The following TEAD1 variants were observed in gnomAD, a reference collection of about 807,000 sequenced individuals.
TEAD1 encodes transcriptional enhancer factor TEF-1.
Under a neutral mutation model 54.9 loss-of-function variants are expected in TEAD1, and 9 were observed. The observed-to-expected ratio is 0.16, with a 90% confidence interval of 0.10 to 0.29. The LOEUF (loss-of-function observed/expected upper bound fraction) is 0.29. TEAD1 is among the 10% of genes least tolerant of loss of function. The pLI, the probability that TEAD1 is intolerant of heterozygous loss-of-function variation, is 1.00. For synonymous variants in TEAD1, 200 were observed against 187.8 expected, an observed-to-expected ratio of 1.07 and a Z score of -0.53; for missense variants, 387 against 535.9, an observed-to-expected ratio of 0.72 and a Z score of 2.74.
intron 2 of TEAD1, among the ~76,000 whole-genome samples, chr11:12,745,692 A>G (rs1322661183): frequency 1.3e-5 from 2 of 151,692 alleles, no homozygotes; most frequent in Non-Finnish European, 2.9e-5. Context: ...ATATAAATCA[A>G]TAACTGCAAA....
At chr11:12,720,713 G>A (rs1944177199) in intron 2 of TEAD1, among the ~76,000 whole-genome samples, 1 of 152,208 alleles carries the variant, frequency 6.6e-6, no homozygotes, top group Admixed American at 6.5e-5. Context: ...TCTGTAAGTG[G>A]TCTGAGTTTA....
intron 3 of TEAD1, among the ~76,000 whole-genome samples, chr11:12,834,621 T>C (rs1173387740): frequency 2.0e-5 from 3 of 152,142 alleles, no homozygotes; most frequent in South Asian, 2.1e-4. Flanking sequence ...TTTTTGTTTG[T>C]TTGTTTGTGT....
chr11:12,840,283 C>CAT (rs1947005750), intron 3 of TEAD1, among the ~76,000 whole-genome samples: 1 of 129,098 alleles, frequency 7.7e-6, no homozygotes, highest in African/African-American at 2.9e-5. Flanking sequence ...AGACCAGAAA[C>CAT]GAAATCGGGC....
intron 10 of TEAD1, among the ~76,000 whole-genome samples, chr11:12,920,114 CTG>C (rs1948777439): frequency 6.6e-6 from 1 of 152,110 alleles, no homozygotes; most frequent in African/African-American, 2.4e-5. Context: ...TTTTAAATAA[CTG>C]AAGTAGAGTG....
intron 2 of TEAD1, among the ~76,000 whole-genome samples, chr11:12,682,423 G>C (rs1163706780): frequency 6.6e-6 from 1 of 152,146 alleles, no homozygotes; most frequent in African/African-American, 2.4e-5. Flanking sequence ...TACTGGTGAG[G>C]GGCTTGAGAA....
intron 10 of TEAD1, among the ~76,000 whole-genome samples, chr11:12,908,732 T>G (rs1281332294): frequency 1.3e-5 from 2 of 152,178 alleles, no homozygotes; most frequent in Non-Finnish European, 2.9e-5. Context: ...AATATATAAT[T>G]TTTAATTCAG....
intron 3 of TEAD1, chr11:12,849,556 T>C (rs1947225607): frequency 6.6e-6 from 1 of 152,240 alleles, no homozygotes; most frequent in Non-Finnish European, 1.5e-5. Flanking sequence ...AAGTCATCCC[T>C]GAGCATGCCA....
intron 9 of TEAD1, among the ~76,000 whole-genome samples, chr11:12,894,970 A>G (rs531022921): frequency 8.4e-4 from 128 of 152,278 alleles, no homozygotes; most frequent in South Asian, 1.7e-3. Context: ...TATTTCCACT[A>G]TGGCTGTGGA....
At chr11:12,694,474 T>C (rs779692407) in intron 2 of TEAD1, among the ~76,000 whole-genome samples, 24 of 152,250 alleles carry the variant, frequency 1.6e-4, no homozygotes, top group Non-Finnish European at 3.2e-4. Flanking sequence ...TTATAACTGT[T>C]TTATTAAATA....
Position 12,864,559 on chromosome 11 carries a change from CCCCCCAACCCCA to C in TEAD1, c.268-274_268-263del, listed in dbSNP as rs200290897. ...AGCTTTGTTGAGATGCAAATAACCA[CCCCCCAACCCCA>C]CCCCAAAACCCTCCCAAAGAGTAGC... is the stretch of plus-strand genomic sequence containing the variant. On this transcript the variant is annotated intron_variant, in intron 4 of 12. Coordinates refer to ENST00000527636, the MANE Select transcript of TEAD1 (RefSeq NM_021961.6). The C allele has an allele frequency of 6.7e-4, 451 of 676,538 alleles. 3 individuals are homozygous for C. The East Asian group carries it at 0.017, about 25-fold the overall frequency. 41.9% of individuals were successfully genotyped at this position (676,538 alleles called of 1,614,324 possible). A position where few individuals can be genotyped will look rare whatever the true frequency, so the allele number is the denominator to read the frequency against.
chr11:12,824,657 C>A (rs1452597871), intron 3 of TEAD1, among the ~76,000 whole-genome samples: 1 of 152,204 alleles, frequency 6.6e-6, no homozygotes, highest in Non-Finnish European at 1.5e-5. Context: ...CAGGCCATTA[C>A]CAGTTTACTC....
intron 3 of TEAD1, among the ~76,000 whole-genome samples, chr11:12,815,851 A>G (rs1377844746): frequency 1.3e-5 from 2 of 152,254 alleles, no homozygotes; most frequent in African/African-American, 4.8e-5. Flanking sequence ...CTGCGGGTAC[A>G]GATCAATGAA....
chr11:12,936,500 G>A (rs1949101793), intron 12 of TEAD1, among the ~76,000 whole-genome samples: 1 of 152,164 alleles, frequency 6.6e-6, no homozygotes. Context: ...CTCTGTCCTT[G>A]GCTATTGTGA....
intron 3 of TEAD1, among the ~76,000 whole-genome samples, chr11:12,830,748 A>G (rs571469632): frequency 1.3e-5 from 2 of 151,832 alleles, no homozygotes; most frequent in South Asian, 4.1e-4. Flanking sequence ...GCAATCACAC[A>G]CACACACATG....
chr11:12,930,338 G>T lies in TEAD1; in HGVS notation c.1167+12G>T. On this transcript the variant is annotated intron_variant, in intron 12 of 12. Coordinates refer to ENST00000527636, the MANE Select transcript of TEAD1 (RefSeq NM_021961.6). Reference sequence around the variant, plus strand: ...TCACAATTTTATTGGTAATGGTTTTGTCTCTTTCCTCTGTGGGCAGATGCT... The same window carrying T: ...TCACAATTTTATTGGTAATGGTTTTTTCTCTTTCCTCTGTGGGCAGATGCT... The T allele has an allele frequency of 6.2e-7, 1 of 1,614,074 alleles. No homozygotes were observed. The highest frequency in any genetic ancestry group is 8.5e-7 in the Non-Finnish European group (1 of 1,179,964).
At chr11:12,808,086 G>C (rs1482272520) in intron 3 of TEAD1, among the ~76,000 whole-genome samples, 1 of 152,040 alleles carries the variant, frequency 6.6e-6, no homozygotes, top group African/African-American at 2.4e-5. Flanking sequence ...GAAAATATGG[G>C]GAAAAGATGA....
chr11:12,928,263 G>T (rs763226661), intron 11 of TEAD1, among the ~76,000 whole-genome samples: 1 of 148,014 alleles, frequency 6.8e-6, no homozygotes, highest in African/African-American at 2.5e-5. Context: ...AGTAATATTC[G>T]TCTATACTTT....
At position 12,878,733 on chromosome 11, in the gene TEAD1, C is replaced by A. The variant is rs991702821; in HGVS notation, c.331-975C>A. 3.3e-5 allele frequency among the ~76,000 whole-genome samples: 5 copies of A among 151,970 alleles called. 1 individual carries two copies. ...TTCCTAAAATGTGAAAAGGCCCACACCCCTATGCATTTTATTGTTCCCAAG... is the reference window on the plus strand; with the variant it reads ...TTCCTAAAATGTGAAAAGGCCCACAACCCTATGCATTTTATTGTTCCCAAG... On this transcript the variant is annotated intron_variant, in intron 5 of 12. Transcript: ENST00000527636.
intron 2 of TEAD1, among the ~76,000 whole-genome samples, chr11:12,761,606 G>A (rs1021507006): frequency 2.6e-5 from 4 of 152,180 alleles, no homozygotes; most frequent in Non-Finnish European, 1.5e-5. Context: ...ACCTCTGAGT[G>A]CCATTTATTG....
Sources: gnomAD v4.1 joint callset for allele counts (sites outside exome capture counted in the v4.1 genomes callset) on GRCh38, gnomAD v4.1.1 for gene constraint, MANE v1.5 for transcripts, NCBI Gene and HGNC (gene_info 2026-07-23, HGNC 2026-07-21) for gene names.